Variants in COL5A2 observed in about 807,000 individuals in gnomAD.
The protein encoded by COL5A2 is collagen alpha-2(V) chain.
In COL5A2, 23 loss-of-function variants were observed where a neutral mutation model predicts 208.2. The ratio of observed to expected loss-of-function variants is 0.11; its 90% CI spans 0.08 to 0.16. COL5A2 has a LOEUF of 0.16. COL5A2 is among the 10% of genes least tolerant of loss of function. The pLI is 1.00. For synonymous variants in COL5A2, 625 were observed against 628.5 expected (o/e 0.99, Z 0.08); for missense variants, 1,590 against 1,956.4 (o/e 0.81, Z 3.53).
chr2:189,418,014 TA>T, the COL5A2 span, among the ~76,000 whole-genome samples: 1 of 152,144 alleles, frequency 6.6e-6, no homozygotes, highest in African/African-American at 2.4e-5. Flanking sequence ...CTTGTTCATT[TA>T]TTTTTTTAAT....
chr2:189,060,946 TA>T (rs1686017762), intron 30 of COL5A2, among the ~76,000 whole-genome samples, 163 bp from the exon 31 acceptor site: 1 of 152,030 alleles, frequency 6.6e-6, no homozygotes, highest in South Asian at 2.1e-4. Flanking sequence ...TCAGAAGCAT[TA>T]AAAAAAGACT....
the COL5A2 span, among the ~76,000 whole-genome samples, chr2:189,246,932 A>C: frequency 6.6e-6 from 1 of 152,194 alleles, no homozygotes; most frequent in East Asian, 1.9e-4. Flanking sequence ...TAATAACCTG[A>C]AACAACACTA....
chr2:189,411,363 T>C, the COL5A2 span, among the ~76,000 whole-genome samples: 2 of 152,246 alleles, frequency 1.3e-5, no homozygotes, highest in African/African-American at 2.4e-5. Context: ...TCAATCGTTT[T>C]TTTTATTCTA....
the COL5A2 span, among the ~76,000 whole-genome samples, chr2:189,370,392 T>C: frequency 6.6e-6 from 1 of 152,188 alleles, no homozygotes; most frequent in Admixed American, 6.5e-5. Flanking sequence ...TCAATGTGTT[T>C]TATTTCTCTC....
Position 189,088,720 on chromosome 2 carries a change from T to G in COL5A2, c.620A>C (p.Gln207Pro). 6.2e-7 allele frequency: 1 copy of G among 1,614,076 alleles called. No homozygotes were observed. The highest frequency in any genetic ancestry group is 8.5e-7 in the Non-Finnish European group (1 of 1,179,940). ...GLDEKSGLGSQVGLMPGSVGP... is the reference protein window; with the variant it reads ...GLDEKSGLGSPVGLMPGSVGP... ...CACAGAGCCAGGCATTAGTCCTACT[T>G]GACTCCCAAGTCCAGATTTTTCATC... is the stretch of plus-strand genomic sequence containing the variant. The change falls in exon 8 of 54, where the codon CAA (glutamine) becomes CCA (proline). Residue 207 changes from glutamine (Q) to proline (P), a missense_variant. Gln to Pro is a moderately conservative substitution (Grantham distance 76). Transcript: ENST00000374866.
chr2:189,083,192 A>G (rs59384732), intron 12 of COL5A2, among the ~76,000 whole-genome samples: 21,575 of 152,118 alleles, frequency 0.14, 1,519 homozygotes, highest in Middle Eastern at 0.19. Flanking sequence ...GAATGTTTGA[A>G]GAGGACTTTT....
intron 14 of COL5A2, among the ~76,000 whole-genome samples, chr2:189,079,411 C>T (rs1686484458): frequency 6.6e-6 from 1 of 152,078 alleles, no homozygotes; most frequent in Admixed American, 6.6e-5. Flanking sequence ...TCAAGTAAAA[C>T]TTTACAAAGC....
At chr2:189,397,751 TA>T in the COL5A2 span, among the ~76,000 whole-genome samples, 6 of 152,022 alleles carry the variant, frequency 3.9e-5, no homozygotes, top group Non-Finnish European at 7.4e-5. Flanking sequence ...TACTCTTCTA[TA>T]AAATTAAATT....
chr2:189,327,697 A>C, the COL5A2 span, among the ~76,000 whole-genome samples: 1 of 152,230 alleles, frequency 6.6e-6, no homozygotes, highest in Non-Finnish European at 1.5e-5. Flanking sequence ...CCCATACATA[A>C]TAAATTACTC....
Position 189,179,712 on chromosome 2 carries a change from G to A in COL5A2, c.-108C>T. On this transcript the variant is annotated 5_prime_UTR_variant, in exon 1 of 54. Transcript: ENST00000374866. ...GCTCTTCTTTCAGCACCAGCCCCAG[G>A]GCAGCCTCTGCAAACCCCCTTTTTC... 1 of 1,537,850 alleles carries A rather than the reference G, an allele frequency of 6.5e-7. No homozygotes were observed. The highest frequency in any genetic ancestry group is 8.7e-7 in the Non-Finnish European group (1 of 1,144,832).
chr2:189,244,364 C>CCAGATACCCTAAATCATCT, the COL5A2 span, among the ~76,000 whole-genome samples: 1 of 152,154 alleles, frequency 6.6e-6, no homozygotes, highest in African/African-American at 2.4e-5. Context: ...ATTTCTTCTG[C>CCAGATACCCTAAATCATCT]CAGATACCCT....
Position 189,036,786 on chromosome 2 carries a change from G to T in COL5A2, c.3943C>A (p.Pro1315Thr). The change falls in exon 52 of 54, where the codon CCT (proline) becomes ACT (threonine). Residue 1315 changes from proline to threonine, a missense_variant. Transcript: ENST00000374866. ...AKQSGEYWID[P>T]NQGSVEDAIK... ...GCATCTTCAACAGATCCTTGGTTAGGATCAATCCAGTATTCACCTATTTTT... is the reference window on the plus strand; with the variant it reads ...GCATCTTCAACAGATCCTTGGTTAGTATCAATCCAGTATTCACCTATTTTT... The T allele has an allele frequency of 6.2e-7, 1 of 1,612,392 alleles. No homozygotes were observed. Among genetic ancestry groups the T allele is most frequent in the Non-Finnish European group, 8.5e-7 (1 of 1,178,866 alleles).
chr2:189,068,198 C>CTTCA, intron 20 of COL5A2, 28 bp downstream of exon 20: 1 of 1,612,510 alleles, frequency 6.2e-7, no homozygotes, highest in Middle Eastern at 1.7e-4. Flanking sequence ...CCCATTTGAG[C>CTTCA]TTCACATGCC....
At position 189,032,323 on chromosome 2, in the gene COL5A2, G is replaced by A. The variant is rs572652118; in HGVS notation, c.*1747C>T. 2.6e-5 allele frequency: 4 copies of A among 152,038 alleles called. No homozygotes were observed. The highest frequency in any genetic ancestry group is 5.9e-5 in the Non-Finnish European group (4 of 67,980). 9.4% of individuals were successfully genotyped at this position (152,038 alleles called of 1,614,324 possible). ...TTTAAGGGCAGAGGCAGTGATAATT[G>A]GTGTCATGTTGCCTTTGTGGGTAAT... On this transcript the variant is annotated 3_prime_UTR_variant, in exon 54 of 54. Coordinates refer to ENST00000374866, the MANE Select transcript of COL5A2 (RefSeq NM_000393.5).
upstream of COL5A2, among the ~76,000 whole-genome samples, chr2:189,228,013 C>T (rs920074730): frequency 6.6e-6 from 1 of 151,854 alleles, no homozygotes. Flanking sequence ...AACTGGAAAT[C>T]AACTGCAGAA....
chr2:189,367,761 T>C, the COL5A2 span, among the ~76,000 whole-genome samples: 1 of 152,234 alleles, frequency 6.6e-6, no homozygotes, highest in African/African-American at 2.4e-5. Flanking sequence ...GTGTAATTCA[T>C]CTTCATGTGA....
intron 3 of COL5A2, among the ~76,000 whole-genome samples, chr2:189,102,477 A>C (rs148958482): frequency 1.1e-3 from 166 of 152,222 alleles, no homozygotes; most frequent in Non-Finnish European, 1.8e-3. Flanking sequence ...GTTTGTATTA[A>C]TATAGGCTTT....
At chr2:189,279,290 G>A in the COL5A2 span, among the ~76,000 whole-genome samples, 8 of 151,682 alleles carry the variant, frequency 5.3e-5, no homozygotes, top group East Asian at 1.5e-3. Flanking sequence ...CAATAATTAA[G>A]CTTATAAAGT....
the COL5A2 span, among the ~76,000 whole-genome samples, chr2:189,342,673 ACACACAC>A: frequency 6.7e-6 from 1 of 149,862 alleles, no homozygotes; most frequent in East Asian, 1.9e-4. Context: ...ACACACACAC[ACACACAC>A]AATAAATATG....
Sources: allele counts gnomAD v4.1 joint callset (sites outside exome capture counted in the v4.1 genomes callset), GRCh38; gene constraint gnomAD v4.1.1; transcripts MANE v1.5; gene names NCBI Gene and HGNC (gene_info 2026-07-23, HGNC 2026-07-21).